Variants in LRRC40 observed in about 807,000 individuals in gnomAD.
LRRC40 encodes leucine-rich repeat-containing protein 40.
Under a neutral mutation model 72.8 loss-of-function variants are expected in LRRC40, and 76 were observed. The ratio of observed to expected loss-of-function variants is 1.04; its 90% CI spans 0.87 to 1.26. LRRC40 has a LOEUF of 1.26. Ranked by LOEUF, LRRC40 falls within the 50% of genes most tolerant of loss-of-function variation. The probability of loss-of-function intolerance (pLI) is 0.00; values close to 1 mark genes in which losing one functional copy is unlikely to be tolerated. For synonymous variants in LRRC40, 243 were observed against 254.2 expected (o/e 0.96, Z 0.42); for missense variants, 684 against 698.9 (o/e 0.98, Z 0.24).
chr1:70,187,957 G>C (rs1182066104), intron 2 of LRRC40, among the ~76,000 whole-genome samples: 1 of 152,034 alleles, frequency 6.6e-6, no homozygotes, highest in Non-Finnish European at 1.5e-5. Flanking sequence ...CAACTCATTA[G>C]TAGAGTTTCA....
chr1:70,179,882 T>A (rs1488921821), intron 5 of LRRC40, among the ~76,000 whole-genome samples: 2 of 152,154 alleles, frequency 1.3e-5, no homozygotes, highest in Admixed American at 6.5e-5. Context: ...AGGGCAGATT[T>A]AACTTATTTT....
chr1:70,149,607 C>A (rs1386357664), intron 13 of LRRC40, among the ~76,000 whole-genome samples: 1 of 151,992 alleles, frequency 6.6e-6, no homozygotes, highest in African/African-American at 2.4e-5. Flanking sequence ...GCTCAATTGA[C>A]AACACAATAT....
chr1:70,192,897 TA>T (rs1668531930), intron 1 of LRRC40, among the ~76,000 whole-genome samples: 1 of 152,032 alleles, frequency 6.6e-6, no homozygotes, highest in Non-Finnish European at 1.5e-5. Context: ...AAGTAATCTG[TA>T]TAACGAACCC....
chr1:70,186,480 TG>T (rs1668361516), intron 3 of LRRC40, among the ~76,000 whole-genome samples: 1 of 152,198 alleles, frequency 6.6e-6, no homozygotes, highest in East Asian at 1.9e-4. Flanking sequence ...GGAGTGTTAC[TG>T]GGAGGGACTA....
chr1:70,186,391 G>A (rs1668360023), intron 3 of LRRC40, among the ~76,000 whole-genome samples: 1 of 152,092 alleles, frequency 6.6e-6, no homozygotes, highest in African/African-American at 2.4e-5. Flanking sequence ...TACTGTGATG[G>A]AGTTCTAAAT....
At chr1:70,170,055 C>A (rs1667967825) in intron 9 of LRRC40, among the ~76,000 whole-genome samples, 1 of 152,080 alleles carries the variant, frequency 6.6e-6, no homozygotes, top group African/African-American at 2.4e-5. Context: ...AAGAATTATA[C>A]ACCATTACTA....
intron 10 of LRRC40, among the ~76,000 whole-genome samples, chr1:70,158,534 C>A (rs1388755473): frequency 6.6e-6 from 1 of 152,150 alleles, no homozygotes; most frequent in East Asian, 1.9e-4. Flanking sequence ...TTACAACTAC[C>A]TTCAATCTCT....
At chr1:70,205,337 G>A (rs1668914708) in intron 1 of LRRC40, 53 bp downstream of exon 1, 2 of 1,483,612 alleles carry the variant, frequency 1.3e-6, no homozygotes, top group Non-Finnish European at 1.8e-6. Flanking sequence ...AGGTTGCCTG[G>A]GCCAAAGGCT....
intron 9 of LRRC40, among the ~76,000 whole-genome samples, chr1:70,171,342 T>A (rs1282250774): frequency 2.6e-5 from 4 of 151,354 alleles, no homozygotes; most frequent in African/African-American, 9.7e-5. Flanking sequence ...AATGAAAAAT[T>A]GGACTTGCTC....
intron 6 of LRRC40, 35 bp from the exon 7 acceptor site, chr1:70,176,017 T>A: frequency 7.8e-7 from 1 of 1,288,118 alleles, no homozygotes; most frequent in Non-Finnish European, 1.0e-6. Context: ...TGTATCTCTG[T>A]ATTCAATTTT....
chr1:70,180,852 G>A (rs987927336), intron 5 of LRRC40, among the ~76,000 whole-genome samples: 6 of 152,028 alleles, frequency 3.9e-5, no homozygotes, highest in Admixed American at 1.3e-4. Flanking sequence ...CTACTACAAC[G>A]AATAATCATA....
rs1467732039 is a variant in LRRC40, at chr1:70,158,193, C to T, written c.1220+1137G>A. On this transcript the variant is annotated intron_variant, in intron 10 of 14. Transcript: ENST00000370952. ...TACAGAAGAGTGCTACCTGTGTTAGCGTGGCAAAAGAAACTTAGCTTAGAG... is the reference window on the plus strand; with the variant it reads ...TACAGAAGAGTGCTACCTGTGTTAGTGTGGCAAAAGAAACTTAGCTTAGAG... Among the ~76,000 whole-genome samples, 3 of 148,574 alleles carry T rather than the reference C, an allele frequency of 2.0e-5. No individual in the cohort carries two copies. In the East Asian group the frequency reaches 6.0e-4, roughly 30 times the overall value.
At chr1:70,173,037 C>A (rs909329980) in intron 9 of LRRC40, among the ~76,000 whole-genome samples, 1 of 151,518 alleles carries the variant, frequency 6.6e-6, no homozygotes, top group Non-Finnish European at 1.5e-5. Flanking sequence ...ATTAACATAC[C>A]CTGAAAAGTA....
chr1:70,162,970 A>G (rs1667796480), intron 9 of LRRC40, among the ~76,000 whole-genome samples: 1 of 152,226 alleles, frequency 6.6e-6, no homozygotes, highest in East Asian at 1.9e-4. Flanking sequence ...CTTAAAACAC[A>G]CAAACATTAT....
chr1:70,176,821 A>T (rs1329262567), intron 6 of LRRC40, among the ~76,000 whole-genome samples: 2 of 152,178 alleles, frequency 1.3e-5, no homozygotes, highest in African/African-American at 4.8e-5. Flanking sequence ...AAAAATAAAA[A>T]AAAGTTACAT....
Position 70,178,881 on chromosome 1 carries a change from T to A in LRRC40, c.774A>T (p.Leu258=). The A allele has an allele frequency of 6.3e-7, 1 of 1,597,224 alleles. No homozygotes were observed. Among genetic ancestry groups the A allele is most frequent in the Non-Finnish European group, 8.6e-7 (1 of 1,168,096 alleles). ...ATAGACTACAAGAAGGAAATTCTGGTAGAAAACGTAATTTATTCCTCCGCA... is the reference window on the plus strand; with the variant it reads ...ATAGACTACAAGAAGGAAATTCTGGAAGAAAACGTAATTTATTCCTCCGCA... ...LYLRRNKLRF[L]PEFPSCSLLK... is the part of the protein sequence containing the mutation. The change falls in exon 6 of 15, where the codon CTA becomes CTT. Residue 258 remains leucine (L), a synonymous_variant. Coordinates refer to ENST00000370952, the MANE Select transcript of LRRC40 (RefSeq NM_017768.5).
chr1:70,174,920 A>G (rs553555988), intron 7 of LRRC40, among the ~76,000 whole-genome samples: 94 of 152,252 alleles, frequency 6.2e-4, no homozygotes, highest in Non-Finnish European at 1.3e-3. Flanking sequence ...TTTATTGTAT[A>G]TAAGTTACAT....
At chr1:70,171,962 CA>C (rs1219435971) in intron 9 of LRRC40, among the ~76,000 whole-genome samples, 1 of 152,126 alleles carries the variant, frequency 6.6e-6, no homozygotes, top group Non-Finnish European at 1.5e-5. Flanking sequence ...ACTCAGTCAC[CA>C]TTTGTTCACT....
chr1:70,154,983 C>T (rs542727375), intron 11 of LRRC40, among the ~76,000 whole-genome samples: 1 of 152,170 alleles, frequency 6.6e-6, no homozygotes, highest in African/African-American at 2.4e-5. Context: ...TTATCAGTAC[C>T]CTATCCTGTC....
Sources: gnomAD v4.1 joint callset for allele counts (sites outside exome capture counted in the v4.1 genomes callset) on GRCh38, gnomAD v4.1.1 for gene constraint, MANE v1.5 for transcripts, NCBI Gene and HGNC (gene_info 2026-07-23, HGNC 2026-07-21) for gene names.